Variants in RNF152 observed in about 807,000 individuals in gnomAD.
The protein encoded by RNF152 is ring finger protein 152, also known as E3 ubiquitin-protein ligase RNF152.
A neutral mutation model predicts 12.7 loss-of-function variants in RNF152; 11 were observed. That is an observed-to-expected ratio of 0.86 (90% CI 0.54 to 1.43). The LOEUF is 1.43. RNF152 is among the 40% of genes most tolerant of loss of function. RNF152 has a pLI of 0.00. For synonymous variants in RNF152, 113 were observed against 120.3 expected, an observed-to-expected ratio of 0.94 and a Z score of 0.40; for missense variants, 255 against 274.8, an observed-to-expected ratio of 0.93 and a Z score of 0.51.
rs113248720 is a variant in RNF152, at chr18:61,861,914, GC to G, written c.-136+30880del. On this transcript the variant is annotated intron_variant, in intron 1 of 1. Coordinates refer to ENST00000312828, the MANE Select transcript of RNF152 (RefSeq NM_173557.3). ...CTGTGACCTAAACATCTCCTATTAG[GC>G]CCCGACCTCCAACATTGGGCATTAA... is the stretch of plus-strand genomic sequence containing the variant. Among the ~76,000 whole-genome samples the G allele has an allele frequency of 7.9e-3, 1,202 of 152,146 alleles. 21 individuals are homozygous for G. The highest frequency in any genetic ancestry group is 0.028 in the African/African-American group (1,158 of 41,486).
At chr18:61,878,263 T>C (rs1400922327) in intron 1 of RNF152, among the ~76,000 whole-genome samples, 1 of 152,164 alleles carries the variant, frequency 6.6e-6, no homozygotes, top group East Asian at 1.9e-4. Flanking sequence ...GGACAACTGA[T>C]ACCTAGTGGG....
chr18:61,881,435 C>A (rs1035031604), intron 1 of RNF152, among the ~76,000 whole-genome samples: 1 of 152,174 alleles, frequency 6.6e-6, no homozygotes, highest in African/African-American at 2.4e-5. Flanking sequence ...CTGTTCAGAA[C>A]TGCTTCCTCT....
intron 1 of RNF152, among the ~76,000 whole-genome samples, chr18:61,866,132 C>T (rs1911714728): frequency 6.6e-6 from 1 of 152,194 alleles, no homozygotes; most frequent in Admixed American, 6.5e-5. Context: ...CTGAGTGGCA[C>T]AGGGCCCCAC....
chr18:61,882,078 T>C (rs1392065454), intron 1 of RNF152, among the ~76,000 whole-genome samples: 2 of 152,250 alleles, frequency 1.3e-5, no homozygotes, highest in South Asian at 4.1e-4. Flanking sequence ...CAGAAACTTT[T>C]TGAGTGCAAA....
At chr18:61,856,897 T>C (rs766547996) in intron 1 of RNF152, among the ~76,000 whole-genome samples, 21 of 152,318 alleles carry the variant, frequency 1.4e-4, no homozygotes, top group Admixed American at 8.5e-4. Flanking sequence ...GCCATAATTA[T>C]CACAATAGTG....
At position 61,811,879 on chromosome 18, in the gene RNF152, C is replaced by T. The variant is rs1206238419; in HGVS notation, c.*3973G>A. The T allele has an allele frequency of 6.6e-6, 1 of 152,168 alleles. No homozygotes were observed. The highest frequency in any genetic ancestry group is 1.5e-5 in the Non-Finnish European group (1 of 68,032). The allele number at this position is 152,168 out of a possible 1,614,324, so 9.4% of individuals were successfully genotyped here. A position where few individuals can be genotyped will look rare whatever the true frequency, so the allele number is the denominator to read the frequency against. On this transcript the variant is annotated 3_prime_UTR_variant, in exon 2 of 2. Transcript: ENST00000312828. Reference sequence around the variant, plus strand: ...TTTTGGACAATAGGTTAACATGCAGCTAATGATCCCAGAAAAGGGGCTTAA... The same window carrying T: ...TTTTGGACAATAGGTTAACATGCAGTTAATGATCCCAGAAAAGGGGCTTAA...
rs537071999 is a variant in RNF152, at chr18:61,814,671, G to A, written c.*1181C>T. On this transcript the variant is annotated 3_prime_UTR_variant, in exon 2 of 2. Transcript: ENST00000312828. Reference sequence around the variant, plus strand: ...AGATCTTCTCTCATATCAACAAGAGGAAACAGGAATTCTAACTGGCTTAAC... The same window carrying A: ...AGATCTTCTCTCATATCAACAAGAGAAAACAGGAATTCTAACTGGCTTAAC... The A allele has an allele frequency of 6.6e-6, 1 of 152,292 alleles. No homozygotes were observed. The highest frequency in any genetic ancestry group is 1.9e-4 in the East Asian group (1 of 5,190). 9.4% of individuals were successfully genotyped at this position (152,292 alleles called of 1,614,324 possible). A position where few individuals can be genotyped will look rare whatever the true frequency, so the allele number is the denominator to read the frequency against.
intron 1 of RNF152, among the ~76,000 whole-genome samples, chr18:61,826,338 C>T (rs1909667344): frequency 6.6e-6 from 1 of 152,174 alleles, no homozygotes; most frequent in Non-Finnish European, 1.5e-5. Context: ...AGGGTAGTTT[C>T]ATGGCCACAA....
intron 1 of RNF152, among the ~76,000 whole-genome samples, chr18:61,871,556 A>C (rs1911998681): frequency 6.6e-6 from 1 of 152,198 alleles, no homozygotes; most frequent in African/African-American, 2.4e-5. Flanking sequence ...TCAGCCGACC[A>C]AATGAACAAA....
intron 1 of RNF152, among the ~76,000 whole-genome samples, chr18:61,843,372 G>A (rs775351731): frequency 3.3e-4 from 50 of 152,134 alleles, no homozygotes; most frequent in Non-Finnish European, 5.7e-4. Flanking sequence ...AGCAATAACT[G>A]TTGTTTTAAA....
At position 61,862,783 on chromosome 18, in the gene RNF152, G is replaced by A. The variant is rs117234340; in HGVS notation, c.-136+30012C>T. On this transcript the variant is annotated intron_variant, in intron 1 of 1. Transcript: ENST00000312828. ...CCAGCAAATTCATCAAAGCCAAAGCGGGGGTTCTGGGGACCCCAACTTGAA... is the reference window on the plus strand; with the variant it reads ...CCAGCAAATTCATCAAAGCCAAAGCAGGGGTTCTGGGGACCCCAACTTGAA... Among the ~76,000 whole-genome samples, 969 of 152,300 alleles carry A rather than the reference G, an allele frequency of 6.4e-3. 37 individuals carry two copies. Among genetic ancestry groups the A allele is most frequent in the Admixed American group, 0.05 (767 of 15,306 alleles).
In RNF152 at chr18:61,808,138, C is replaced by T. The variant is rs988327172; in HGVS notation, c.*7714G>A. The T allele has an allele frequency of 6.6e-6, 1 of 151,858 alleles. No homozygotes were observed. Among genetic ancestry groups the T allele is most frequent in the Non-Finnish European group, 1.5e-5 (1 of 67,984 alleles). 9.4% of individuals were successfully genotyped at this position (151,858 alleles called of 1,614,324 possible). ...GGTAGTCATAAAATCAACATTACCA[C>T]ATATACAAAGGACAAGACACCAGTT... On this transcript the variant is annotated 3_prime_UTR_variant, in exon 2 of 2. Transcript: ENST00000312828.
intron 1 of RNF152, among the ~76,000 whole-genome samples, chr18:61,818,755 C>A (rs1161471968): frequency 6.6e-6 from 1 of 152,162 alleles, no homozygotes; most frequent in Non-Finnish European, 1.5e-5. Context: ...AAGGAACACA[C>A]GAATATATTT....
At chr18:61,854,356 G>A (rs1911122819) in intron 1 of RNF152, among the ~76,000 whole-genome samples, 1 of 152,144 alleles carries the variant, frequency 6.6e-6, no homozygotes, top group Non-Finnish European at 1.5e-5. Context: ...GGGGAAAAAA[G>A]CAAGCTCTCA....
chr18:61,855,335 T>C (rs1911172901), intron 1 of RNF152, among the ~76,000 whole-genome samples: 1 of 152,258 alleles, frequency 6.6e-6, no homozygotes. Context: ...ATTTTGATGA[T>C]ATCATAGTGA....
At chr18:61,829,425 G>C (rs1040465828) in intron 1 of RNF152, among the ~76,000 whole-genome samples, 2 of 152,060 alleles carry the variant, frequency 1.3e-5, no homozygotes, top group Non-Finnish European at 2.9e-5. Flanking sequence ...CCTGCAGCTG[G>C]GATGGGCCAG....
intron 1 of RNF152, among the ~76,000 whole-genome samples, chr18:61,875,572 C>T (rs76967642): frequency 6.6e-6 from 1 of 151,330 alleles, no homozygotes; most frequent in Non-Finnish European, 1.5e-5. Flanking sequence ...CGTGGATTAC[C>T]CACGAAGGTC....
At chr18:61,867,097 A>T (rs1003239407) in intron 1 of RNF152, among the ~76,000 whole-genome samples, 4 of 152,174 alleles carry the variant, frequency 2.6e-5, no homozygotes, top group African/African-American at 9.7e-5. Context: ...GTAGGAAGAA[A>T]GCCTGTGGCA....
At chr18:61,820,335 A>C (rs1909336408) in intron 1 of RNF152, among the ~76,000 whole-genome samples, 5 of 144,224 alleles carry the variant, frequency 3.5e-5, no homozygotes, top group African/African-American at 1.1e-4. Flanking sequence ...TCTCACCAAA[A>C]AAAAAAAAAA....
Sources: allele counts gnomAD v4.1 joint callset (sites outside exome capture counted in the v4.1 genomes callset), GRCh38; gene constraint gnomAD v4.1.1; transcripts MANE v1.5; gene names NCBI Gene and HGNC (gene_info 2026-07-23, HGNC 2026-07-21).